Variants in PPA2 observed in about 807,000 individuals in gnomAD.
PPA2 encodes inorganic pyrophosphatase 2.
Under a neutral mutation model 49.5 loss-of-function variants are expected in PPA2, and 48 were observed. The ratio of observed to expected loss-of-function variants is 0.97; its 90% CI spans 0.77 to 1.23. PPA2 has a LOEUF of 1.23. PPA2 is among the 50% of genes most tolerant of loss of function. The probability of loss-of-function intolerance (pLI) is 0.00; values close to 1 mark genes in which losing one functional copy is unlikely to be tolerated. For missense variants in PPA2, 429 were observed against 410.1 expected, an observed-to-expected ratio of 1.05 and a Z score of -0.40; for synonymous variants, 131 against 139.9, an observed-to-expected ratio of 0.94 and a Z score of 0.45.
At chr4:105,433,896 T>C (rs1372250765) in intron 6 of PPA2, among the ~76,000 whole-genome samples, 5 of 152,318 alleles carry the variant, frequency 3.3e-5, no homozygotes, top group South Asian at 2.1e-4. Flanking sequence ...AAGTACTCCA[T>C]AGAAAAATTT....
intron 1 of PPA2, among the ~76,000 whole-genome samples, chr4:105,459,273 T>G (rs1433464426): frequency 6.6e-6 from 1 of 151,986 alleles, no homozygotes. Context: ...GGGATGCACT[T>G]AAAAAAAACT....
At chr4:105,413,227 G>A (rs890230733) in intron 7 of PPA2, among the ~76,000 whole-genome samples, 11 of 151,884 alleles carry the variant, frequency 7.2e-5, no homozygotes, top group African/African-American at 2.7e-4. Flanking sequence ...ACTATCACAG[G>A]GACAGAAAAC....
At chr4:105,414,205 C>T (rs536848060) in intron 7 of PPA2, among the ~76,000 whole-genome samples, 25 of 152,186 alleles carry the variant, frequency 1.6e-4, no homozygotes, top group Non-Finnish European at 3.4e-4. Flanking sequence ...GAAGCATTTA[C>T]TCTCATACAC....
Position 105,449,351 on chromosome 4 carries a change from T to A in PPA2, c.320A>T (p.Glu107Val). The A allele has an allele frequency of 6.4e-7, 1 of 1,554,798 alleles. No individual in the cohort carries two copies. The highest frequency in any genetic ancestry group is 8.8e-7 in the Non-Finnish European group (1 of 1,134,230). ...EIPRWTNAKMEIATKEPMNPI... is the reference protein window; with the variant it reads ...EIPRWTNAKMVIATKEPMNPI... ...CATATTAATAAAGTATATCGGTACC[T>A]CCATTTTAGCATTTGTCCACCGAGG... The change falls in exon 4 of 12, where the codon GAG becomes GTG. Residue 107 changes from glutamate to valine, a missense_variant and splice_region_variant. Physicochemically the swap from Glu to Val is moderately radical, Grantham distance 121. Transcript: ENST00000341695.
At chr4:105,393,581 G>A (rs999453381) in intron 9 of PPA2, among the ~76,000 whole-genome samples, 3 of 146,552 alleles carry the variant, frequency 2.0e-5, no homozygotes, top group African/African-American at 7.5e-5. Context: ...CACATAGGGG[G>A]CTTTAAAAAC....
chr4:105,415,752 G>A (rs1295620287), intron 7 of PPA2, among the ~76,000 whole-genome samples: 1 of 152,242 alleles, frequency 6.6e-6, no homozygotes, highest in Non-Finnish European at 1.5e-5. Flanking sequence ...AGTCTTTGCA[G>A]CAGCTGCTCC....
chr4:105,439,599 G>T (rs1724238855), intron 5 of PPA2, among the ~76,000 whole-genome samples: 1 of 151,824 alleles, frequency 6.6e-6, no homozygotes, highest in Admixed American at 6.6e-5. Flanking sequence ...GTTAATAAAT[G>T]GTATGGCATT....
At chr4:105,407,793 A>G (rs1421729195) in intron 7 of PPA2, among the ~76,000 whole-genome samples, 1 of 152,216 alleles carries the variant, frequency 6.6e-6, no homozygotes, top group African/African-American at 2.4e-5. Context: ...TAGAAAAGGC[A>G]AACTATTGTG....
chr4:105,432,697 G>A lies in PPA2; in HGVS notation c.528+5253C>T, dbSNP rs899660127. On this transcript the variant is annotated intron_variant, in intron 6 of 11. Transcript: ENST00000341695. Reference sequence around the variant, plus strand: ...GCCCAACACAGATTCATAAACTTTCGTAAAATATTATGAGATTTTATTTAT... The same window carrying A: ...GCCCAACACAGATTCATAAACTTTCATAAAATATTATGAGATTTTATTTAT... Among the ~76,000 whole-genome samples, 3 of 152,258 alleles carry A rather than the reference G, an allele frequency of 2.0e-5. No homozygotes were observed. The East Asian group carries it at 5.8e-4, about 29-fold the overall frequency.
intron 6 of PPA2, among the ~76,000 whole-genome samples, chr4:105,425,723 T>TACACATACACACACAC (rs993307304): frequency 1.6e-5 from 2 of 122,530 alleles, no homozygotes; most frequent in African/African-American, 6.3e-5. Flanking sequence ...CACATGCACA[T>TACACATACACACACAC]ACACACACAC....
chr4:105,447,975 G>A (rs577618473), intron 4 of PPA2: 26 of 258,270 alleles, frequency 1.0e-4, no homozygotes, highest in Non-Finnish European at 1.8e-4. Flanking sequence ...CAAACTCCTG[G>A]CCTCAAGTGA....
intron 7 of PPA2, among the ~76,000 whole-genome samples, chr4:105,403,030 CTCTT>C (rs1468398687): frequency 5.0e-4 from 74 of 148,914 alleles, no homozygotes; most frequent in South Asian, 3.3e-3. Flanking sequence ...CTCTCTCTCT[CTCTT>C]TCTTTTTTGA....
intron 5 of PPA2, among the ~76,000 whole-genome samples, chr4:105,439,636 G>C (rs1002089133): frequency 1.3e-5 from 2 of 148,578 alleles, no homozygotes; most frequent in Non-Finnish European, 2.9e-5. Context: ...AAGGTAATAA[G>C]AATTATTATT....
At chr4:105,472,503 T>G (rs1723564547) in intron 1 of PPA2, among the ~76,000 whole-genome samples, 1 of 152,236 alleles carries the variant, frequency 6.6e-6, no homozygotes, top group Non-Finnish European at 1.5e-5. Flanking sequence ...CTTTTTTCAA[T>G]CTGCTTAAAA....
intron 1 of PPA2, among the ~76,000 whole-genome samples, chr4:105,459,411 ATAGATAC>A (rs1473520720): frequency 3.3e-5 from 5 of 152,254 alleles, no homozygotes; most frequent in African/African-American, 9.6e-5. Context: ...TCTAAATGTA[ATAGATAC>A]TAAAGTGGGC....
chr4:105,387,776 GA>G (rs398107774), intron 9 of PPA2, among the ~76,000 whole-genome samples: 3 of 150,978 alleles, frequency 2.0e-5, no homozygotes, highest in African/African-American at 7.3e-5. Flanking sequence ...AGTTGAGGGG[GA>G]AAAAAAAGAC....
At chr4:105,435,474 C>T (rs1724008426) in intron 6 of PPA2, among the ~76,000 whole-genome samples, 1 of 152,078 alleles carries the variant, frequency 6.6e-6, no homozygotes, top group African/African-American at 2.4e-5. Flanking sequence ...TACATGCACG[C>T]AACATCAGAG....
intron 1 of PPA2, among the ~76,000 whole-genome samples, chr4:105,460,356 TAGG>T (rs1723033894): frequency 6.7e-6 from 1 of 149,714 alleles, no homozygotes; most frequent in Non-Finnish European, 1.5e-5. Flanking sequence ...GAAAAAAAAA[TAGG>T]AGGAGTGCAT....
intron 8 of PPA2, among the ~76,000 whole-genome samples, chr4:105,396,653 G>C (rs72668215): frequency 0.21 from 26,993 of 128,786 alleles, 2,708 homozygotes; most frequent in African/African-American, 0.27. Flanking sequence ...AGTCACATTT[G>C]CTTGTGTTTG....
Sources: gnomAD v4.1 joint callset for allele counts (sites outside exome capture counted in the v4.1 genomes callset) on GRCh38, gnomAD v4.1.1 for gene constraint, MANE v1.5 for transcripts, NCBI Gene and HGNC (gene_info 2026-07-23, HGNC 2026-07-21) for gene names.